MFHAS1: variants seen among roughly 807,000 people sequenced by gnomAD.
The protein encoded by MFHAS1 is malignant fibrous histiocytoma-amplified sequence 1.
MFHAS1 carries 50 observed loss-of-function variants against 70.4 expected under a neutral mutation model. That is an observed-to-expected ratio of 0.71 (90% CI 0.57 to 0.90). The LOEUF is 0.90. Among genes scored for constraint, MFHAS1 ranks in the 40% least tolerant of loss-of-function variants. MFHAS1 has a pLI of 0.00. For missense variants in MFHAS1, 1,795 were observed against 1,347.6 expected (o/e 1.33, Z -5.20); for synonymous variants, 952 against 620.0 (o/e 1.54, Z -7.96).
chr8:8,784,942 C>T lies in MFHAS1; in HGVS notation c.*1080G>A, dbSNP rs1440168186. ...CAGAGGCTCTGTATTTATAAATAAC[C>T]CGTGTGGGATTATGCTCTCCAGTGA... On this transcript the variant is annotated 3_prime_UTR_variant, in exon 3 of 3. Transcript: ENST00000276282. 1 of 152,102 alleles carries T rather than the reference C, an allele frequency of 6.6e-6. No homozygotes were observed. Among genetic ancestry groups the T allele is most frequent in the Non-Finnish European group, 1.5e-5 (1 of 68,024 alleles). 9.4% of individuals were successfully genotyped at this position (152,102 alleles called of 1,614,324 possible). A position where few individuals can be genotyped will look rare whatever the true frequency, so the allele number is the denominator to read the frequency against.
chr8:8,804,886 C>G (rs1218906511), intron 1 of MFHAS1, among the ~76,000 whole-genome samples: 1 of 152,186 alleles, frequency 6.6e-6, no homozygotes, highest in Non-Finnish European at 1.5e-5. Flanking sequence ...TTGTTTAGCC[C>G]AACTCCTGGC....
chr8:8,853,844 A>T (rs888481008), intron 1 of MFHAS1, among the ~76,000 whole-genome samples: 2 of 152,014 alleles, frequency 1.3e-5, no homozygotes, highest in Non-Finnish European at 2.9e-5. Flanking sequence ...AGGAGCCACC[A>T]CCCCTGGCTT....
intron 1 of MFHAS1, among the ~76,000 whole-genome samples, chr8:8,858,710 G>A (rs1056938944): frequency 5.3e-5 from 8 of 152,030 alleles, no homozygotes; most frequent in African/African-American, 1.9e-4. Flanking sequence ...AAGTCCTGAA[G>A]TTGGCCCTCG....
At chr8:8,820,138 C>T (rs1419234076) in intron 1 of MFHAS1, among the ~76,000 whole-genome samples, 2 of 152,102 alleles carry the variant, frequency 1.3e-5, no homozygotes, top group Non-Finnish European at 2.9e-5. Context: ...CAAAAATTAA[C>T]AGTGCTGGTT....
At position 8,887,536 on chromosome 8, in the gene MFHAS1, T is replaced by C. The variant is rs146479551; in HGVS notation, c.2998+2525A>G. 4.0e-3 allele frequency among the ~76,000 whole-genome samples: 607 copies of C among 150,722 alleles called. 7 individuals carry two copies. The highest frequency in any genetic ancestry group is 0.014 in the African/African-American group (587 of 41,314). Reference sequence around the variant, plus strand: ...TAAGACAAAAATATGTACGTTGGTGTATATATACATATATATTTTATATGT... The same window carrying C: ...TAAGACAAAAATATGTACGTTGGTGCATATATACATATATATTTTATATGT... On this transcript the variant is annotated intron_variant, in intron 1 of 2. Coordinates refer to ENST00000276282, the MANE Select transcript of MFHAS1 (RefSeq NM_004225.3).
At chr8:8,804,410 C>A (rs1332730922) in intron 1 of MFHAS1, among the ~76,000 whole-genome samples, 1 of 152,094 alleles carries the variant, frequency 6.6e-6, no homozygotes, top group Non-Finnish European at 1.5e-5. Context: ...AAACAAAAAA[C>A]AAACAAACAA....
At chr8:8,789,983 C>G (rs1455555853) in intron 2 of MFHAS1, among the ~76,000 whole-genome samples, 4 of 152,154 alleles carry the variant, frequency 2.6e-5, no homozygotes, top group South Asian at 2.1e-4. Flanking sequence ...CTACTTGTGA[C>G]CATCCCGGTA....
chr8:8,839,642 T>G (rs934546997), intron 1 of MFHAS1, among the ~76,000 whole-genome samples: 1 of 152,190 alleles, frequency 6.6e-6, no homozygotes, highest in South Asian at 2.1e-4. Context: ...TAAACAAACT[T>G]TGAAAATCAC....
chr8:8,844,164 T>A (rs895391164), intron 1 of MFHAS1, among the ~76,000 whole-genome samples: 2 of 152,176 alleles, frequency 1.3e-5, no homozygotes, highest in African/African-American at 2.4e-5. Context: ...TGTGGGCAGT[T>A]TCTCAGGCTC....
intron 1 of MFHAS1, among the ~76,000 whole-genome samples, chr8:8,887,997 C>G (rs1809837107): frequency 1.3e-5 from 2 of 152,006 alleles, no homozygotes. Context: ...TTAAGAATGG[C>G]TTCAGGTTGC....
In MFHAS1 at chr8:8,817,593, G is replaced by A. The variant is rs932032112; in HGVS notation, c.2999-20102C>T. 2.6e-5 allele frequency among the ~76,000 whole-genome samples: 4 copies of A among 152,166 alleles called. No homozygotes were observed. The South Asian group carries it at 6.2e-4, about 24-fold the overall frequency. On this transcript the variant is annotated intron_variant, in intron 1 of 2. Transcript: ENST00000276282. ...CTGGACTCCATCCCAGCCCGCAGAT[G>A]GGGGGGCTCTCGCCCCTCCTGTTCT... is the stretch of plus-strand genomic sequence containing the variant.
At chr8:8,816,403 T>A (rs997272580) in intron 1 of MFHAS1, among the ~76,000 whole-genome samples, 3 of 152,152 alleles carry the variant, frequency 2.0e-5, no homozygotes, top group East Asian at 3.9e-4. Flanking sequence ...GGCATGACCA[T>A]CCTCCCCAAG....
intron 1 of MFHAS1, among the ~76,000 whole-genome samples, chr8:8,864,826 G>A: frequency 6.6e-6 from 1 of 152,050 alleles, no homozygotes; most frequent in South Asian, 2.1e-4. Context: ...AGAGAGAGAG[G>A]ACTCAGATAA....
At chr8:8,878,880 A>G (rs1393269092) in intron 1 of MFHAS1, among the ~76,000 whole-genome samples, 1 of 152,198 alleles carries the variant, frequency 6.6e-6, no homozygotes, top group Non-Finnish European at 1.5e-5. Context: ...GTACAAAAGT[A>G]CTTCAAAGCA....
rs1345718861 is a variant in MFHAS1, at chr8:8,890,749, CA to C, written c.2309del (p.Met770ArgfsTer72). The stretch of plus-strand genomic sequence containing the variant: ...GTTCCTGGCTGGGGGTGGACCGCGC[CA>C]TGGGCGGGGAGCTTTCCCCCTCCGC... ...GKAEGESSPP[M>X]ARSTPSQELL... On this transcript the variant is annotated frameshift_variant, in exon 1 of 3. Coordinates refer to ENST00000276282, the MANE Select transcript of MFHAS1 (RefSeq NM_004225.3). LOFTEE classifies it high-confidence loss of function. The C allele has an allele frequency of 6.2e-7, 1 of 1,613,812 alleles. No homozygotes were observed. The highest frequency in any genetic ancestry group is 2.2e-5 in the East Asian group (1 of 44,880).
chr8:8,786,380 A>C (rs1805542720), intron 2 of MFHAS1, among the ~76,000 whole-genome samples: 1 of 152,218 alleles, frequency 6.6e-6, no homozygotes, highest in African/African-American at 2.4e-5. Context: ...AACAACCCAA[A>C]ACTCTAAACA....
chr8:8,864,194 G>T (rs1425682382), intron 1 of MFHAS1, among the ~76,000 whole-genome samples: 1 of 152,222 alleles, frequency 6.6e-6, no homozygotes, highest in Admixed American at 6.5e-5. Flanking sequence ...TGTGCGGCAA[G>T]CAGCAGGACC....
At chr8:8,831,687 C>T (rs1216212752) in intron 1 of MFHAS1, among the ~76,000 whole-genome samples, 3 of 151,638 alleles carry the variant, frequency 2.0e-5, no homozygotes, top group Non-Finnish European at 2.9e-5. Context: ...CAGCTCACTG[C>T]AACCTCCGCC....
chr8:8,797,464 T>A lies in MFHAS1; in HGVS notation c.3026A>T (p.Glu1009Val), dbSNP rs749923487. 4 of 1,614,046 alleles carry A rather than the reference T, an allele frequency of 2.5e-6. No homozygotes were observed. In the South Asian group the frequency reaches 4.4e-5, roughly 18 times the overall value. ...PGELLSQPRPEGVAEIICPKN... is the reference protein window; with the variant it reads ...PGELLSQPRPVGVAEIICPKN... ...GGGGCAAATGATCTCTGCCACTCCT[T>A]CCGGTCTGGGCTGACTCAGCAACTC... The change falls in exon 2 of 3, where the codon GAA (glutamate) becomes GTA (valine). Residue 1009 changes from glutamate (E) to valine (V), a missense_variant. By Grantham distance (121) the Glu-to-Val change is moderately radical (BLOSUM62 -2). Transcript: ENST00000276282.
Sources: gnomAD v4.1 joint callset for allele counts (sites outside exome capture counted in the v4.1 genomes callset) on GRCh38, gnomAD v4.1.1 for gene constraint, MANE v1.5 for transcripts, NCBI Gene and HGNC (gene_info 2026-07-23, HGNC 2026-07-21) for gene names.